CARMIL1: variants seen among roughly 807,000 people sequenced by gnomAD.
CARMIL1 encodes F-actin-uncapping protein LRRC16A.
CARMIL1 carries 90 observed loss-of-function variants against 177.1 expected under a neutral mutation model. The observed-to-expected ratio is 0.51, with a 90% CI of 0.43 to 0.61. The LOEUF is 0.61. Among genes scored for constraint, CARMIL1 ranks in the 20% least tolerant of loss-of-function variants. The pLI is 0.00. For missense variants in CARMIL1, 1,380 were observed against 1,667.0 expected (o/e 0.83, Z 3.00); for synonymous variants, 577 against 606.2 (o/e 0.95, Z 0.71).
chr6:25,297,040 A>G (rs375164879), intron 2 of CARMIL1, among the ~76,000 whole-genome samples: 3 of 152,142 alleles, frequency 2.0e-5, no homozygotes, highest in African/African-American at 7.2e-5. Context: ...CACTCCTCCT[A>G]TCTTGGCCTC....
chr6:25,583,029 T>C (rs958702353), intron 31 of CARMIL1, among the ~76,000 whole-genome samples: 5 of 152,232 alleles, frequency 3.3e-5, no homozygotes, highest in Non-Finnish European at 7.3e-5. Flanking sequence ...CATTCTCATC[T>C]TCCCCTTGCC....
intron 21 of CARMIL1, 96 bp from the exon 22 acceptor site, chr6:25,517,251 A>C (rs1031430663): frequency 2.8e-5 from 24 of 844,906 alleles, no homozygotes; most frequent in Admixed American, 4.1e-5. Context: ...CTGTACTGAA[A>C]TATCTACACA....
intron 8 of CARMIL1, chr6:25,451,988 C>CCCT: frequency 1.5e-5 from 1 of 68,728 alleles, no homozygotes; most frequent in Non-Finnish European, 3.0e-5. Flanking sequence ...AGCATCTTGC[C>CCCT]CCCCCCTCCC....
At chr6:25,566,692 C>G (rs1458631117) in intron 29 of CARMIL1, among the ~76,000 whole-genome samples, 1 of 152,176 alleles carries the variant, frequency 6.6e-6, no homozygotes, top group Non-Finnish European at 1.5e-5. Flanking sequence ...AGAGCAGTGC[C>G]TGGCACAAAA....
intron 9 of CARMIL1, among the ~76,000 whole-genome samples, chr6:25,466,361 C>T (rs79606827): frequency 0.073 from 11,107 of 152,010 alleles, 498 homozygotes; most frequent in East Asian, 0.18. Flanking sequence ...TTCCCCTGGT[C>T]GAGTAATGAT....
intron 2 of CARMIL1, among the ~76,000 whole-genome samples, chr6:25,400,552 A>G (rs1793801433): frequency 6.6e-6 from 1 of 152,200 alleles, no homozygotes; most frequent in African/African-American, 2.4e-5. Context: ...GCTGTGCTTC[A>G]TGGTAATGGC....
intron 2 of CARMIL1, among the ~76,000 whole-genome samples, chr6:25,333,622 C>T (rs947318540): frequency 6.6e-6 from 1 of 151,938 alleles, no homozygotes; most frequent in Non-Finnish European, 1.5e-5. Context: ...AACAGTGTTC[C>T]CCAAATCTAT....
chr6:25,384,704 C>T (rs1791977398), intron 2 of CARMIL1, among the ~76,000 whole-genome samples: 1 of 152,210 alleles, frequency 6.6e-6, no homozygotes, highest in African/African-American at 2.4e-5. Context: ...CTCATTGCCT[C>T]GTTCTCAGGG....
intron 9 of CARMIL1, among the ~76,000 whole-genome samples, chr6:25,469,731 C>G (rs1417574603): frequency 6.6e-6 from 1 of 152,084 alleles, no homozygotes. Context: ...CACCCCACTA[C>G]TTTTTGTATA....
chr6:25,365,695 G>C (rs1323000778), intron 2 of CARMIL1, among the ~76,000 whole-genome samples: 1 of 152,116 alleles, frequency 6.6e-6, no homozygotes, highest in Non-Finnish European at 1.5e-5. Context: ...TGGGACTATA[G>C]GCATGTGCCA....
intron 30 of CARMIL1, 66 bp from the exon 31 acceptor site, chr6:25,581,177 T>TA (rs1034998569): frequency 6.2e-6 from 9 of 1,459,328 alleles, no homozygotes; most frequent in Non-Finnish European, 8.4e-6. Flanking sequence ...AGGAATTTTT[T>TA]ATCCATCTCT....
chr6:25,612,612 G>A (rs1283674228), intron 36 of CARMIL1: 6 of 283,766 alleles, frequency 2.1e-5, no homozygotes, highest in African/African-American at 1.4e-4. Flanking sequence ...AACACTGTAG[G>A]TTCCTTGAAT....
At chr6:25,416,965 G>A (rs1795409005) in intron 2 of CARMIL1, among the ~76,000 whole-genome samples, 1 of 152,226 alleles carries the variant, frequency 6.6e-6, no homozygotes, top group African/African-American at 2.4e-5. Context: ...AGAAATGTGT[G>A]TGCTGCTTTG....
chr6:25,587,433 T>C (rs895635596), intron 31 of CARMIL1, among the ~76,000 whole-genome samples: 1 of 152,170 alleles, frequency 6.6e-6, no homozygotes, highest in African/African-American at 2.4e-5. Context: ...TTAAAAAACC[T>C]GAGCCAACTT....
chr6:25,420,214 A>G (rs1795731251), intron 3 of CARMIL1, 50 bp downstream of exon 3: 2 of 1,543,024 alleles, frequency 1.3e-6, no homozygotes, highest in Admixed American at 1.7e-5. Context: ...ACTCATACCC[A>G]CTCATGCATA....
intron 2 of CARMIL1, among the ~76,000 whole-genome samples, chr6:25,417,315 T>G (rs1463216194): frequency 6.6e-6 from 1 of 152,190 alleles, no homozygotes; most frequent in Non-Finnish European, 1.5e-5. Context: ...ACTGTCATGC[T>G]TCTTTTGATT....
intron 2 of CARMIL1, among the ~76,000 whole-genome samples, chr6:25,357,800 T>G (rs1788784701): frequency 1.3e-5 from 2 of 152,224 alleles, no homozygotes; most frequent in South Asian, 4.1e-4. Flanking sequence ...AAGTAGATGC[T>G]CAATGAAGTT....
intron 31 of CARMIL1, among the ~76,000 whole-genome samples, chr6:25,586,529 C>T (rs1229782244): frequency 5.3e-5 from 8 of 151,370 alleles, no homozygotes; most frequent in Non-Finnish European, 8.8e-5. Context: ...CAGGCAGAGA[C>T]GCTCCTCACT....
intron 2 of CARMIL1, among the ~76,000 whole-genome samples, chr6:25,390,308 ATATATATATATATT>A (rs1461170743): frequency 4.1e-4 from 20 of 48,524 alleles, no homozygotes; most frequent in Non-Finnish European, 1.1e-4. Flanking sequence ...ATATATATAT[ATATATATATATATT>A]TTTTTTTTTT....
Sources: gnomAD v4.1 joint callset for allele counts (sites outside exome capture counted in the v4.1 genomes callset) on GRCh38, gnomAD v4.1.1 for gene constraint, MANE v1.5 for transcripts, NCBI Gene and HGNC (gene_info 2026-07-23, HGNC 2026-07-21) for gene names.